Variants in SLC22A23 observed in about 807,000 individuals in gnomAD.
The protein encoded by SLC22A23 is ion transporter protein.
SLC22A23 carries 26 observed loss-of-function variants against 61.0 expected under a neutral mutation model. The observed-to-expected ratio is 0.43, with a 90% CI of 0.31 to 0.59. The LOEUF (loss-of-function observed/expected upper bound fraction) is 0.59. Among genes scored for constraint, SLC22A23 ranks in the 20% least tolerant of loss-of-function variants. SLC22A23 has a pLI of 0.11. For synonymous variants in SLC22A23, 430 were observed against 413.9 expected, an observed-to-expected ratio of 1.04 and a Z score of -0.47; for missense variants, 796 against 934.7, an observed-to-expected ratio of 0.85 and a Z score of 1.94.
In SLC22A23 at chr6:3,327,972, C is replaced by G. The variant is rs575706389; in HGVS notation, c.914-3970G>C. 6.6e-6 allele frequency among the ~76,000 whole-genome samples: 1 copy of G among 152,106 alleles called. No individual in the cohort carries two copies. The highest frequency in any genetic ancestry group is 1.9e-4 in the East Asian group (1 of 5,184). Reference sequence around the variant, plus strand: ...GCTCAAAAAGTTTCAGATTCTAGAGCATTTCAGATTTCAGATGTTCTGATT... The same window carrying G: ...GCTCAAAAAGTTTCAGATTCTAGAGGATTTCAGATTTCAGATGTTCTGATT... On this transcript the variant is annotated intron_variant, in intron 3 of 9. Coordinates refer to ENST00000406686, the MANE Select transcript of SLC22A23 (RefSeq NM_015482.2). This position sits in a 1 kb window ranked among gnomAD's most constrained non-coding sequence, Gnocchi z 4.1.
At chr6:3,280,512 T>TTTCCC (rs781526188) in intron 9 of SLC22A23, among the ~76,000 whole-genome samples, 6 of 98,328 alleles carry the variant, frequency 6.1e-5, no homozygotes, top group East Asian at 5.5e-4. Flanking sequence ...TTTTTTTTTT[T>TTTCCC]TGAGATGGAG....
chr6:3,420,243 A>G (rs1047995561), intron 1 of SLC22A23, among the ~76,000 whole-genome samples: 2 of 152,192 alleles, frequency 1.3e-5, no homozygotes, highest in South Asian at 4.1e-4. Context: ...AAAAAAAAAA[A>G]AAAAACCAAA....
intron 3 of SLC22A23, among the ~76,000 whole-genome samples, chr6:3,382,725 A>G (rs979311873): frequency 2.6e-5 from 4 of 152,258 alleles, no homozygotes; most frequent in Non-Finnish European, 2.9e-5. Flanking sequence ...AGGATTAAGT[A>G]GCTGTGGCAA....
At chr6:3,280,804 A>G (rs913570811) in intron 9 of SLC22A23, among the ~76,000 whole-genome samples, 1 of 152,088 alleles carries the variant, frequency 6.6e-6, no homozygotes, top group East Asian at 1.9e-4. Context: ...CCTTTAAGAT[A>G]CAACTTTTTA....
At position 3,414,809 on chromosome 6, in the gene SLC22A23, C is replaced by A. The variant is rs907849022; in HGVS notation, c.758+943G>T. 6.6e-6 allele frequency among the ~76,000 whole-genome samples: 1 copy of A among 151,338 alleles called. No individual in the cohort carries two copies. The highest frequency in any genetic ancestry group is 1.5e-5 in the Non-Finnish European group (1 of 67,888). ...ACACTACGCCTCTCTCCTGAGCAAT[C>A]TCGCTACTTGAAAAACCTGTCAACA... On this transcript the variant is annotated intron_variant, in intron 2 of 9. Transcript: ENST00000406686. This position sits in a 1 kb window ranked among gnomAD's most constrained non-coding sequence, Gnocchi z 5.1.
At chr6:3,344,538 C>T (rs1450122614) in intron 3 of SLC22A23, among the ~76,000 whole-genome samples, 1 of 152,152 alleles carries the variant, frequency 6.6e-6, no homozygotes, top group Non-Finnish European at 1.5e-5. Context: ...GCTCTGGGGC[C>T]AAACAGCCTG....
chr6:3,404,484 G>A (rs952713425), intron 3 of SLC22A23, among the ~76,000 whole-genome samples: 10 of 152,154 alleles, frequency 6.6e-5, no homozygotes, highest in Non-Finnish European at 1.5e-4. Flanking sequence ...TCCAGGTTTT[G>A]GCGAACATAT....
intron 4 of SLC22A23, among the ~76,000 whole-genome samples, chr6:3,299,993 A>G (rs890504734): frequency 7.5e-6 from 1 of 132,478 alleles, no homozygotes; most frequent in African/African-American, 2.9e-5. Flanking sequence ...CAAGCTCAGG[A>G]TAGACTTTTT....
chr6:3,454,204 C>T lies in SLC22A23; in HGVS notation c.654+1702G>A, dbSNP rs1772284151. On this transcript the variant is annotated intron_variant, in intron 1 of 9. Transcript: ENST00000406686. This position sits in a 1 kb window ranked among gnomAD's most constrained non-coding sequence, Gnocchi z 4.3. The stretch of plus-strand genomic sequence containing the variant: ...CCAAAACATGCCACACACATGAGGG[C>T]TGTCTGTGACCCTCTCGAATGCTAA... Among the ~76,000 whole-genome samples the T allele has an allele frequency of 6.6e-6, 1 of 152,176 alleles. No homozygotes were observed. The highest frequency in any genetic ancestry group is 1.5e-5 in the Non-Finnish European group (1 of 68,036).
At position 3,328,941 on chromosome 6, in the gene SLC22A23, T is replaced by C. The variant is rs541514845; in HGVS notation, c.914-4939A>G. 6.6e-6 allele frequency among the ~76,000 whole-genome samples: 1 copy of C among 151,996 alleles called. No homozygotes were observed. Among genetic ancestry groups the C allele is most frequent in the Non-Finnish European group, 1.5e-5 (1 of 67,964 alleles). Reference sequence around the variant, plus strand: ...CCCACTCTCTCATCCTGTCCCTGCTTCTCTTCCCCGGCCAGCCTGGACCAG... The same window carrying C: ...CCCACTCTCTCATCCTGTCCCTGCTCCTCTTCCCCGGCCAGCCTGGACCAG... On this transcript the variant is annotated intron_variant, in intron 3 of 9. Transcript: ENST00000406686. The surrounding 1 kb of genome is among the most constrained non-coding windows in gnomAD (Gnocchi z 5.0).
At chr6:3,450,846 A>T (rs1208834002) in intron 1 of SLC22A23, among the ~76,000 whole-genome samples, 1 of 152,242 alleles carries the variant, frequency 6.6e-6, no homozygotes, top group Non-Finnish European at 1.5e-5. Flanking sequence ...GGCTATTTTT[A>T]AAAGTGTTAC....
In SLC22A23 at chr6:3,415,819, T is replaced by C. The variant is rs1173969903; in HGVS notation, c.691A>G (p.Ile231Val). 6.4e-7 allele frequency: 1 copy of C among 1,552,188 alleles called. No individual in the cohort carries two copies. Among genetic ancestry groups the C allele is most frequent in the Admixed American group, 2.0e-5 (1 of 51,004 alleles). ...LVCDNAWKVH[I>V]AKFSLLVGLI... ...CCAACCAGTAAGGAGAACTTAGCGA[T>C]ATGGACCTTCCAGGCATTATCACAC... Residue 231 changes from isoleucine (I) to valine (V), a missense_variant, in exon 2 of 10, where the codon ATC becomes GTC. Transcript: ENST00000406686.
chr6:3,328,352 C>G lies in SLC22A23; in HGVS notation c.914-4350G>C, dbSNP rs1033288685. ...GGAGGCCACAGCTCTGGGAGATACG[C>G]TTTTCGGAAGTCGTCAGATTCTTAC... is the stretch of plus-strand genomic sequence containing the variant. On this transcript the variant is annotated intron_variant, in intron 3 of 9. Transcript: ENST00000406686. The surrounding 1 kb of genome is among the most constrained non-coding windows in gnomAD (Gnocchi z 5.0). 1.3e-5 allele frequency among the ~76,000 whole-genome samples: 2 copies of G among 152,118 alleles called. No homozygotes were observed. Among genetic ancestry groups the G allele is most frequent in the Non-Finnish European group, 2.9e-5 (2 of 68,034 alleles).
intron 3 of SLC22A23, among the ~76,000 whole-genome samples, chr6:3,374,823 G>A (rs1766456461): frequency 6.6e-6 from 1 of 152,178 alleles, no homozygotes; most frequent in Admixed American, 6.5e-5. Flanking sequence ...TTCAGTGCTA[G>A]ATCTGTCCAA....
intron 3 of SLC22A23, among the ~76,000 whole-genome samples, chr6:3,362,566 G>C (rs1765547159): frequency 6.6e-6 from 1 of 151,958 alleles, no homozygotes; most frequent in Non-Finnish European, 1.5e-5. Context: ...GGGCTCCATG[G>C]GATTGAGATT....
rs1433951408 is a variant in SLC22A23, at chr6:3,297,198, T to C, written c.1210+893A>G. Reference sequence around the variant, plus strand: ...CGCCTGAAACACAGCAGGCATCTAGTAAACACGTGTTGGTTTACTGAATGA... The same window carrying C: ...CGCCTGAAACACAGCAGGCATCTAGCAAACACGTGTTGGTTTACTGAATGA... On this transcript the variant is annotated intron_variant, in intron 5 of 9. Transcript: ENST00000406686. This position sits in a 1 kb window ranked among gnomAD's most constrained non-coding sequence, Gnocchi z 4.3. Among the ~76,000 whole-genome samples the C allele has an allele frequency of 6.6e-6, 1 of 152,256 alleles. No individual in the cohort carries two copies. The highest frequency in any genetic ancestry group is 1.5e-5 in the Non-Finnish European group (1 of 68,048).
At chr6:3,407,110 T>C (rs1223662178) in intron 3 of SLC22A23, among the ~76,000 whole-genome samples, 4 of 152,208 alleles carry the variant, frequency 2.6e-5, no homozygotes, top group Non-Finnish European at 2.9e-5. Flanking sequence ...AAAAACCTTA[T>C]GGTTGGAGGA....
intron 3 of SLC22A23, among the ~76,000 whole-genome samples, chr6:3,396,980 G>A (rs990810343): frequency 5.9e-5 from 9 of 152,152 alleles, no homozygotes; most frequent in South Asian, 2.1e-4. Context: ...GCTGCCTTCC[G>A]ATGGCTAAAC....
At position 3,456,212 on chromosome 6, in the gene SLC22A23, C is replaced by G. The variant is rs775779860; in HGVS notation, c.348G>C (p.Ser116=). The G allele has an allele frequency of 6.4e-6, 10 of 1,551,280 alleles. No homozygotes were observed. Among genetic ancestry groups the G allele is most frequent in the South Asian group, 2.4e-5 (2 of 84,050 alleles). Residue 116 remains serine, a synonymous_variant, in exon 1 of 10, where the codon TCG becomes TCC. Transcript: ENST00000406686. This position sits in a 1 kb window ranked among gnomAD's most constrained non-coding sequence, Gnocchi z 7.1. The part of the protein sequence containing the change: ...PALFIGFSQF[S]DSFLLDQPNF... ...TGGGCTGGTCCAGGAGGAACGAGTC[C>G]GAGAACTGGCTGAAGCCGATGAACA...
Sources: gnomAD v4.1 joint callset for allele counts (sites outside exome capture counted in the v4.1 genomes callset) on GRCh38, gnomAD v4.1.1 for gene constraint, Gnocchi (gnomAD v3.1) non-coding constraint, MANE v1.5 for transcripts, NCBI Gene and HGNC (gene_info 2026-07-23, HGNC 2026-07-21) for gene names.